The following RBMS3 variants were observed in gnomAD, a reference collection of about 807,000 sequenced individuals.
The protein encoded by RBMS3 is RNA binding motif single stranded interacting protein 3, also known as RNA-binding motif, single-stranded-interacting protein 3.
Under a neutral mutation model 66.8 loss-of-function variants are expected in RBMS3, and 27 were observed. The observed-to-expected ratio is 0.40, with a 90% CI of 0.30 to 0.56. The LOEUF (loss-of-function observed/expected upper bound fraction) is 0.56, where lower values mean the gene tolerates loss of function less well. Ranked by LOEUF, RBMS3 falls within the 20% of genes least tolerant of loss-of-function variation. RBMS3 has a pLI of 0.40. For synonymous variants in RBMS3, 188 were observed against 183.0 expected (o/e 1.03, Z -0.22); for missense variants, 513 against 549.5 (o/e 0.93, Z 0.66).
intron 2 of RBMS3, among the ~76,000 whole-genome samples, chr3:29,437,826 T>C (rs2041457449): frequency 6.6e-6 from 1 of 152,212 alleles, no homozygotes; most frequent in Admixed American, 6.5e-5. Context: ...TTCTTCATTC[T>C]AAAATTTTGA....
At chr3:29,937,346 C>G (rs1026801465) in intron 11 of RBMS3, among the ~76,000 whole-genome samples, 21 of 151,986 alleles carry the variant, frequency 1.4e-4, no homozygotes, top group African/African-American at 4.6e-4. Context: ...CTCCAAATAT[C>G]TATGTACAAT....
intron 4 of RBMS3, 74 bp from the exon 5 acceptor site, chr3:29,739,646 A>G: frequency 7.4e-7 from 1 of 1,355,734 alleles, no homozygotes; most frequent in East Asian, 2.4e-5. Context: ...TGCAGTTTAA[A>G]CAAAAGTTTC....
At chr3:29,834,618 A>G (rs2058459370) in intron 6 of RBMS3, among the ~76,000 whole-genome samples, 1 of 152,062 alleles carries the variant, frequency 6.6e-6, no homozygotes, top group African/African-American at 2.4e-5. Flanking sequence ...TCATGAAGCA[A>G]ACTCTTATAG....
At chr3:29,815,027 G>A (rs951855238) in intron 6 of RBMS3, among the ~76,000 whole-genome samples, 1 of 152,116 alleles carries the variant, frequency 6.6e-6, no homozygotes, top group African/African-American at 2.4e-5. Flanking sequence ...AGGAGGAGGG[G>A]AACAACACCA....
At chr3:29,857,580 G>A (rs1331119044) in intron 6 of RBMS3, among the ~76,000 whole-genome samples, 2 of 146,028 alleles carry the variant, frequency 1.4e-5, no homozygotes, top group African/African-American at 2.6e-5. Flanking sequence ...AAAAAAAAAG[G>A]TTGTGCCCCT....
chr3:29,763,568 A>C (rs552674180), intron 6 of RBMS3, among the ~76,000 whole-genome samples: 2 of 152,044 alleles, frequency 1.3e-5, no homozygotes, highest in African/African-American at 2.4e-5. Context: ...CCCAATCTGG[A>C]CTATCCCAGG....
At chr3:29,949,927 A>T (rs973744786) in intron 12 of RBMS3, among the ~76,000 whole-genome samples, 1 of 151,716 alleles carries the variant, frequency 6.6e-6, no homozygotes, top group African/African-American at 2.4e-5. Flanking sequence ...ATCCCAAAAG[A>T]TTTGTAGTAA....
At chr3:29,707,655 C>T (rs926882776) in intron 4 of RBMS3, among the ~76,000 whole-genome samples, 5 of 152,202 alleles carry the variant, frequency 3.3e-5, no homozygotes, top group Middle Eastern at 3.2e-3. Flanking sequence ...CTCAAAACCA[C>T]AAAAGGCCAA....
intron 4 of RBMS3, chr3:29,698,474 A>G: frequency 1.0e-6 from 1 of 985,360 alleles, no homozygotes; most frequent in Non-Finnish European, 1.2e-6. Context: ...AGGAATCTTG[A>G]CTTCTCAGCA....
chr3:29,319,397 T>G (rs755499623), intron 1 of RBMS3, among the ~76,000 whole-genome samples: 2 of 152,038 alleles, frequency 1.3e-5, no homozygotes, highest in Non-Finnish European at 2.9e-5. Context: ...GTATCTCTTC[T>G]GTTAAGCTGG....
chr3:29,948,420 G>A (rs1375823109), intron 12 of RBMS3, among the ~76,000 whole-genome samples: 1 of 151,784 alleles, frequency 6.6e-6, no homozygotes, highest in Non-Finnish European at 1.5e-5. Flanking sequence ...GAGAATTGCT[G>A]TGTGAAACTA....
rs569903593 is a variant in RBMS3 at position 29,583,262 on chromosome 3, G to C, written c.308-3852G>C. Among the ~76,000 whole-genome samples, 21 of 152,166 alleles carry C rather than the reference G, an allele frequency of 1.4e-4. No individual in the cohort carries two copies. The South Asian group carries it at 3.7e-3, about 27-fold the overall frequency. ...TTTTGTAATATCCTGTGTACCATGTGGGGGTGGAAAGGAGGAGAAGAAGCC... is the reference window on the plus strand; with the variant it reads ...TTTTGTAATATCCTGTGTACCATGTCGGGGTGGAAAGGAGGAGAAGAAGCC... On this transcript the variant is annotated intron_variant, in intron 3 of 14. Transcript: ENST00000383767.
At chr3:29,798,799 C>T (rs1018557370) in intron 6 of RBMS3, among the ~76,000 whole-genome samples, 5 of 152,044 alleles carry the variant, frequency 3.3e-5, no homozygotes, top group Admixed American at 6.6e-5. Context: ...GTGTATTGTC[C>T]GATATTGTTG....
At chr3:29,679,768 G>A (rs1181396995) in intron 4 of RBMS3, among the ~76,000 whole-genome samples, 3 of 145,378 alleles carry the variant, frequency 2.1e-5, no homozygotes, top group African/African-American at 7.8e-5. Context: ...CTACTTGACT[G>A]TATATATATA....
chr3:29,761,220 A>C (rs2055671893), intron 5 of RBMS3, among the ~76,000 whole-genome samples: 1 of 152,100 alleles, frequency 6.6e-6, no homozygotes, highest in Admixed American at 6.6e-5. Flanking sequence ...TTGGCGGTAG[A>C]GATTTGTCAT....
At position 29,652,112 on chromosome 3, in the gene RBMS3, C is replaced by T. The variant is rs113609204; in HGVS notation, c.399+64907C>T. 5.5e-3 allele frequency among the ~76,000 whole-genome samples: 843 copies of T among 152,202 alleles called. 6 individuals are homozygous for T. The highest frequency in any genetic ancestry group is 8.1e-3 in the Non-Finnish European group (550 of 67,978). ...GATGATGGTGGCAGTCAGAAGATGTCTTTCATCCCGAACAATTTAGAAATG... is the reference window on the plus strand; with the variant it reads ...GATGATGGTGGCAGTCAGAAGATGTTTTTCATCCCGAACAATTTAGAAATG... On this transcript the variant is annotated intron_variant, in intron 4 of 14. Coordinates refer to ENST00000383767, the MANE Select transcript of RBMS3 (RefSeq NM_001003793.3).
chr3:29,774,156 C>A (rs898723273), intron 6 of RBMS3, among the ~76,000 whole-genome samples: 3 of 151,862 alleles, frequency 2.0e-5, no homozygotes, highest in Non-Finnish European at 4.4e-5. Flanking sequence ...TTAACTGAAT[C>A]CCTCAGGATA....
chr3:29,493,264 T>C (rs1442201179), intron 3 of RBMS3, among the ~76,000 whole-genome samples: 6 of 152,190 alleles, frequency 3.9e-5, no homozygotes, highest in Non-Finnish European at 1.5e-5. Flanking sequence ...ACACTGAACA[T>C]GGAGCTATGT....
intron 1 of RBMS3, among the ~76,000 whole-genome samples, chr3:29,426,276 T>A (rs1277349410): frequency 6.6e-6 from 1 of 152,216 alleles, no homozygotes; most frequent in East Asian, 1.9e-4. Flanking sequence ...ACTGATAATC[T>A]TTATAAAACT....
Sources: allele counts gnomAD v4.1 joint callset (sites outside exome capture counted in the v4.1 genomes callset), GRCh38; gene constraint gnomAD v4.1.1; transcripts MANE v1.5; gene names NCBI Gene and HGNC (gene_info 2026-07-23, HGNC 2026-07-21).